The following BMP6 variants were observed in gnomAD, a reference collection of about 807,000 sequenced individuals.
The protein encoded by BMP6 is VG-1-R.
A neutral mutation model predicts 54.1 loss-of-function variants in BMP6; 17 were observed. That is an observed-to-expected ratio of 0.31 (90% CI 0.22 to 0.47). The LOEUF (loss-of-function observed/expected upper bound fraction) is 0.47. Among genes scored for constraint, BMP6 ranks in the 20% least tolerant of loss-of-function variants. BMP6 has a pLI of 1.00. For missense variants in BMP6, 720 were observed against 690.4 expected (o/e 1.04, Z -0.48); for synonymous variants, 328 against 291.2 (o/e 1.13, Z -1.28).
At chr6:7,786,110 C>T (rs1317296401) in intron 1 of BMP6, among the ~76,000 whole-genome samples, 1 of 152,230 alleles carries the variant, frequency 6.6e-6, no homozygotes, top group East Asian at 1.9e-4. Flanking sequence ...TCTTTGGTCT[C>T]TAAGCTCCAT....
In BMP6 at chr6:7,877,062, G is replaced by A. The variant is rs191968188; in HGVS notation, c.1205-2012G>A. Among the ~76,000 whole-genome samples the A allele has an allele frequency of 1.4e-4, 22 of 151,886 alleles. 1 individual carries two copies. In the East Asian group the frequency reaches 4.3e-3, roughly 29 times the overall value. On this transcript the variant is annotated intron_variant, in intron 4 of 6. Coordinates refer to ENST00000283147, the MANE Select transcript of BMP6 (RefSeq NM_001718.6). ...GTGTGGCTGATTCATTTTTGTTCAGGGGTTCTTTTCAGTAGGAAGTTTCTG... is the reference window on the plus strand; with the variant it reads ...GTGTGGCTGATTCATTTTTGTTCAGAGGTTCTTTTCAGTAGGAAGTTTCTG...
intron 1 of BMP6, among the ~76,000 whole-genome samples, chr6:7,836,447 G>A (rs1160889628): frequency 1.3e-5 from 2 of 152,182 alleles, no homozygotes; most frequent in Non-Finnish European, 2.9e-5. Context: ...TACTCAAACA[G>A]TGCTTGTGAA....
chr6:7,853,081 G>A (rs998457350), intron 2 of BMP6, among the ~76,000 whole-genome samples: 2 of 152,076 alleles, frequency 1.3e-5, no homozygotes. Flanking sequence ...ATTATCAAAT[G>A]CCCTGAAAGG....
intron 1 of BMP6, among the ~76,000 whole-genome samples, chr6:7,833,046 T>C (rs1758815516): frequency 6.6e-6 from 1 of 150,458 alleles, no homozygotes; most frequent in African/African-American, 2.5e-5. Context: ...GTGGAGAGAG[T>C]GGATGGACAT....
At chr6:7,761,447 A>C (rs1048045363) in intron 1 of BMP6, among the ~76,000 whole-genome samples, 1 of 152,256 alleles carries the variant, frequency 6.6e-6, no homozygotes, top group African/African-American at 2.4e-5. Context: ...AAGATTGAGA[A>C]GGACACATAA....
At chr6:7,801,240 CCAAA>C (rs1269558806) in intron 1 of BMP6, among the ~76,000 whole-genome samples, 6 of 152,126 alleles carry the variant, frequency 3.9e-5, no homozygotes, top group African/African-American at 1.4e-4. Context: ...TGCATAATTT[CCAAA>C]CTGCTTTGTT....
chr6:7,810,673 AT>A (rs1159793549), intron 1 of BMP6, among the ~76,000 whole-genome samples: 10 of 152,228 alleles, frequency 6.6e-5, no homozygotes, highest in Non-Finnish European at 1.3e-4. Context: ...CCTTCAGATT[AT>A]TTTGAGTCAT....
chr6:7,737,479 G>A (rs1241240046), intron 1 of BMP6, among the ~76,000 whole-genome samples: 1 of 151,924 alleles, frequency 6.6e-6, no homozygotes, highest in Non-Finnish European at 1.5e-5. Flanking sequence ...GGTCTGTTTA[G>A]GGCAGAGCCT....
At chr6:7,863,952 G>A (rs1259358920) in intron 4 of BMP6, among the ~76,000 whole-genome samples, 1 of 151,752 alleles carries the variant, frequency 6.6e-6, no homozygotes, top group Admixed American at 6.6e-5. Flanking sequence ...CCCAGGAGGT[G>A]GAGGTTGCAG....
chr6:7,838,356 C>T (rs934847735), intron 1 of BMP6, among the ~76,000 whole-genome samples: 2 of 152,078 alleles, frequency 1.3e-5, no homozygotes, highest in Non-Finnish European at 2.9e-5. Context: ...TGGAAGGTAT[C>T]CCCCTCGGAT....
chr6:7,816,804 TA>T (rs201489544), intron 1 of BMP6, among the ~76,000 whole-genome samples: 24 of 151,498 alleles, frequency 1.6e-4, no homozygotes, highest in Admixed American at 4.6e-4. Context: ...TATATTAGAT[TA>T]AAAAAAAACA....
intron 1 of BMP6, among the ~76,000 whole-genome samples, chr6:7,728,592 G>C (rs184707530): frequency 6.6e-6 from 1 of 152,306 alleles, no homozygotes; most frequent in East Asian, 1.9e-4. Flanking sequence ...CAGTGCCTCC[G>C]GTTTGCACTG....
intron 1 of BMP6, among the ~76,000 whole-genome samples, chr6:7,837,830 C>G (rs375227795): frequency 6.6e-6 from 1 of 152,024 alleles, no homozygotes. Context: ...TGGCAATAAA[C>G]TTGAAAAATT....
chr6:7,794,930 G>T (rs1758170500), intron 1 of BMP6, among the ~76,000 whole-genome samples: 1 of 152,280 alleles, frequency 6.6e-6, no homozygotes, highest in South Asian at 2.1e-4. Context: ...TCTGAATCCT[G>T]GAAAGGCTCT....
At chr6:7,869,088 A>T (rs888597613) in intron 4 of BMP6, among the ~76,000 whole-genome samples, 70 of 152,358 alleles carry the variant, frequency 4.6e-4, no homozygotes, top group African/African-American at 1.6e-3. Flanking sequence ...CTGGGAGCCC[A>T]CAGGCTTGCT....
intron 1 of BMP6, among the ~76,000 whole-genome samples, chr6:7,821,118 T>G (rs1347097969): frequency 6.6e-6 from 1 of 152,236 alleles, no homozygotes. Flanking sequence ...TGTGGGCTGT[T>G]TCTCCAGTGG....
chr6:7,770,488 C>G (rs1757766126), intron 1 of BMP6, among the ~76,000 whole-genome samples: 2 of 152,134 alleles, frequency 1.3e-5, no homozygotes, highest in Admixed American at 1.3e-4. Context: ...TTGTCTTCAT[C>G]TGAGTCCTGG....
chr6:7,761,238 G>A (rs558965498), intron 1 of BMP6, among the ~76,000 whole-genome samples: 1 of 152,314 alleles, frequency 6.6e-6, no homozygotes, highest in East Asian at 1.9e-4. Flanking sequence ...CAAAATGTTT[G>A]TGAAATCACT....
chr6:7,840,271 G>A (rs1451034544), intron 1 of BMP6, among the ~76,000 whole-genome samples: 3 of 152,172 alleles, frequency 2.0e-5, no homozygotes, highest in Admixed American at 1.3e-4. Context: ...GGTTTTAAAG[G>A]GCAGGGGAGT....
Sources: allele counts gnomAD v4.1 joint callset (sites outside exome capture counted in the v4.1 genomes callset), GRCh38; gene constraint gnomAD v4.1.1; transcripts MANE v1.5; gene names NCBI Gene and HGNC (gene_info 2026-07-23, HGNC 2026-07-21).